GABBR1: variants seen among roughly 807,000 people sequenced by gnomAD.
The protein encoded by GABBR1 is GABA-B receptor, R1 subunit.
Under a neutral mutation model 117.7 loss-of-function variants are expected in GABBR1, and 35 were observed. The ratio of observed to expected loss-of-function variants is 0.30; its 90% confidence interval spans 0.23 to 0.39. The LOEUF (loss-of-function observed/expected upper bound fraction) is 0.39. GABBR1 is among the 10% of genes least tolerant of loss of function. The pLI is 1.00. For missense variants in GABBR1, 709 were observed against 1,241.8 expected, an observed-to-expected ratio of 0.57 and a Z score of 6.45; for synonymous variants, 442 against 486.6, an observed-to-expected ratio of 0.91 and a Z score of 1.21.
chr6:29,616,996 A>G (rs983456902), intron 11 of GABBR1, among the ~76,000 whole-genome samples: 4 of 151,044 alleles, frequency 2.6e-5, no homozygotes, highest in Non-Finnish European at 5.9e-5. Context: ...AAAAAAAAAA[A>G]AAAAAAAAAA....
Position 29,619,150 on chromosome 6 carries a change from T to G in GABBR1, c.1323+1951A>C, listed in dbSNP as rs566453650. Among the ~76,000 whole-genome samples, 96 of 152,318 alleles carry G rather than the reference T, an allele frequency of 6.3e-4. 1 individual carries two copies. Among genetic ancestry groups the G allele is most frequent in the Non-Finnish European group, 1.9e-4 (13 of 68,026 alleles). ...TACCTTTCCAGGTGGTTCTGACGGATGTTAAAGTTTGAGAACTATTGATCT... is the reference window on the plus strand; with the variant it reads ...TACCTTTCCAGGTGGTTCTGACGGAGGTTAAAGTTTGAGAACTATTGATCT... On this transcript the variant is annotated intron_variant, in intron 11 of 22. Transcript: ENST00000377034.
rs1307370938 is a variant in GABBR1 at position 29,605,302 on chromosome 6, A to G, written c.2439+267T>C. On this transcript the variant is annotated intron_variant, in intron 20 of 22. Coordinates refer to ENST00000377034, the MANE Select transcript of GABBR1 (RefSeq NM_001470.4). The surrounding 1 kb of genome is among the most constrained non-coding windows in gnomAD (Gnocchi z 4.2). ...GAGTCCAGCCCATTAACCACAGACA[A>G]GCAATTTAACGTCTCTGTGTTTCTG... 9 of 565,254 alleles carry G rather than the reference A, an allele frequency of 1.6e-5. No homozygotes were observed. Among genetic ancestry groups the G allele is most frequent in the Non-Finnish European group, 2.8e-5 (9 of 323,940 alleles). The allele number at this position is 565,254 out of a possible 1,614,324, so 35.0% of individuals were successfully genotyped here. A position where few individuals can be genotyped will look rare whatever the true frequency, so the allele number is the denominator to read the frequency against.
chr6:29,627,461 C>T lies in GABBR1; in HGVS notation c.657+25G>A. 1 of 1,498,204 alleles carries T rather than the reference C, an allele frequency of 6.7e-7. No individual in the cohort carries two copies. Among genetic ancestry groups the T allele is most frequent in the Non-Finnish European group, 9.1e-7 (1 of 1,101,298 alleles). 92.8% of individuals were successfully genotyped at this position (1,498,204 alleles called of 1,614,324 possible). A position where few individuals can be genotyped will look rare whatever the true frequency, so the allele number is the denominator to read the frequency against. On this transcript the variant is annotated intron_variant, in intron 6 of 22. Transcript: ENST00000377034. This position sits in a 1 kb window ranked among gnomAD's most constrained non-coding sequence, Gnocchi z 4.4. ...CCCTGCCCCGCAAGCCCCCACCTCCCACCCACCCCCATGTCCAGGGCTACC... is the reference window on the plus strand; with the variant it reads ...CCCTGCCCCGCAAGCCCCCACCTCCTACCCACCCCCATGTCCAGGGCTACC...
chr6:29,622,244 G>A lies in GABBR1; in HGVS notation c.964-39C>T. 7.4e-7 allele frequency: 1 copy of A among 1,348,032 alleles called. No individual in the cohort carries two copies. Among genetic ancestry groups the A allele is most frequent in the Non-Finnish European group, 1.1e-6 (1 of 939,264 alleles). The allele number at this position is 1,348,032 out of a possible 1,614,324, so 83.5% of individuals were successfully genotyped here. On this transcript the variant is annotated intron_variant, in intron 8 of 22. Coordinates refer to ENST00000377034, the MANE Select transcript of GABBR1 (RefSeq NM_001470.4). This position sits in a 1 kb window ranked among gnomAD's most constrained non-coding sequence, Gnocchi z 4.6. ...AAAAAACAAGTTGGAAAAACACGGG[G>A]TGCATGAGGGAATAAAGACCAGAGA...
chr6:29,619,250 G>T (rs1164727162), intron 11 of GABBR1, among the ~76,000 whole-genome samples: 1 of 152,158 alleles, frequency 6.6e-6, no homozygotes, highest in East Asian at 1.9e-4. Context: ...GGCCCCCTAG[G>T]TCCAACCCTT....
In GABBR1 at chr6:29,622,277, T is replaced by C. The variant is rs1763834865; in HGVS notation, c.964-72A>G. On this transcript the variant is annotated intron_variant, in intron 8 of 22. Coordinates refer to ENST00000377034, the MANE Select transcript of GABBR1 (RefSeq NM_001470.4). The surrounding 1 kb of genome is among the most constrained non-coding windows in gnomAD (Gnocchi z 4.6). ...GGGAATAAAGACCAGAGAGGTTAAC[T>C]GGGGATTTCAGAGCAATACTCAGAT... 3.0e-6 allele frequency: 3 copies of C among 1,001,968 alleles called. No homozygotes were observed. The highest frequency in any genetic ancestry group is 3.1e-6 in the Non-Finnish European group (2 of 635,818). 62.1% of individuals were successfully genotyped at this position (1,001,968 alleles called of 1,614,324 possible).
intron 6 of GABBR1, among the ~76,000 whole-genome samples, chr6:29,624,526 G>C (rs1192776745): frequency 6.6e-6 from 1 of 151,932 alleles, no homozygotes; most frequent in Non-Finnish European, 1.5e-5. Context: ...TCTCTTTTCA[G>C]AGCTAGTGAT....
Position 29,623,788 on chromosome 6 carries a change from C to A in GABBR1, c.792+102G>T. 7.3e-7 allele frequency: 1 copy of A among 1,369,748 alleles called. No individual in the cohort carries two copies. The highest frequency in any genetic ancestry group is 1.0e-6 in the Non-Finnish European group (1 of 997,418). 84.8% of individuals were successfully genotyped at this position (1,369,748 alleles called of 1,614,324 possible). A position where few individuals can be genotyped will look rare whatever the true frequency, so the allele number is the denominator to read the frequency against. ...AGGACTCTGAATCTTAGTAGCAGGTCCTCCACACTCCTTTTCAATACAAAC... is the reference window on the plus strand; with the variant it reads ...AGGACTCTGAATCTTAGTAGCAGGTACTCCACACTCCTTTTCAATACAAAC... On this transcript the variant is annotated intron_variant, in intron 7 of 22. Transcript: ENST00000377034. The surrounding 1 kb of genome is among the most constrained non-coding windows in gnomAD (Gnocchi z 6.2).
In GABBR1 at chr6:29,606,260, A is replaced by T. The variant is rs1761943717; in HGVS notation, c.2311+131T>A. ...AAAGATTAGTGCAATAACAAAGAGT[A>T]GGGTGTTCAAACTGGGTTGACAAGC... On this transcript the variant is annotated intron_variant, in intron 19 of 22. Coordinates refer to ENST00000377034, the MANE Select transcript of GABBR1 (RefSeq NM_001470.4). The surrounding 1 kb of genome is among the most constrained non-coding windows in gnomAD (Gnocchi z 4.5). The T allele has an allele frequency of 2.8e-6, 2 of 706,506 alleles. No homozygotes were observed. The highest frequency in any genetic ancestry group is 2.6e-6 in the Non-Finnish European group (1 of 387,170). The allele number at this position is 706,506 out of a possible 1,614,324, so 43.8% of individuals were successfully genotyped here.
At position 29,609,306 on chromosome 6, in the gene GABBR1, G is replaced by A. The variant is rs989622740; in HGVS notation, c.1782C>T (p.Ser594=). ...TGCCCAGGCTGGAGAGAACTGAGAC[G>A]GAGATAAAGAGTTTCTGTGACAGGA... ...FRFLSQKLFI[S]VSVLSSLGIV... is the part of the protein sequence containing the mutation. The change falls in exon 15 of 23, where the codon TCC becomes TCT. Residue 594 remains serine, a synonymous_variant. Transcript: ENST00000377034. The surrounding 1 kb of genome is among the most constrained non-coding windows in gnomAD (Gnocchi z 4.3). 10 of 1,612,770 alleles carry A rather than the reference G, an allele frequency of 6.2e-6. No homozygotes were observed. The highest frequency in any genetic ancestry group is 8.5e-6 in the Non-Finnish European group (10 of 1,179,884).
rs1400846998 is a variant in GABBR1 at position 29,630,761 on chromosome 6, A to G, written c.290-118T>C. 3.9e-6 allele frequency: 3 copies of G among 765,538 alleles called. No homozygotes were observed. In the African/African-American group the frequency reaches 5.3e-5, roughly 13 times the overall value. 47.4% of individuals were successfully genotyped at this position (765,538 alleles called of 1,614,324 possible). On this transcript the variant is annotated intron_variant, in intron 3 of 22. Coordinates refer to ENST00000377034, the MANE Select transcript of GABBR1 (RefSeq NM_001470.4). This position sits in a 1 kb window ranked among gnomAD's most constrained non-coding sequence, Gnocchi z 4.9. ...CAAGCATCCTGCTCTAAAGAAAATCACATGTGAAAAGGATTTGCCTACCTA... is the reference window on the plus strand; with the variant it reads ...CAAGCATCCTGCTCTAAAGAAAATCGCATGTGAAAAGGATTTGCCTACCTA...
In GABBR1 at chr6:29,621,373, T is replaced by G. The variant is rs1763733874; in HGVS notation, c.1132-81A>C. 1 of 1,129,636 alleles carries G rather than the reference T, an allele frequency of 8.9e-7. No individual in the cohort carries two copies. Among genetic ancestry groups the G allele is most frequent in the Non-Finnish European group, 1.3e-6 (1 of 779,514 alleles). The allele number at this position is 1,129,636 out of a possible 1,614,324, so 70.0% of individuals were successfully genotyped here. On this transcript the variant is annotated intron_variant, in intron 10 of 22. Transcript: ENST00000377034. This position sits in a 1 kb window ranked among gnomAD's most constrained non-coding sequence, Gnocchi z 5.0. ...TTATCTCACTTGATACTATTTAGCC[T>G]CTTGGGAATCAGGGAAGAGCAGTAG...
In GABBR1 at chr6:29,607,017, G is replaced by A. The variant is rs1762029156; in HGVS notation, c.2110-13C>T. On this transcript the variant is annotated splice_polypyrimidine_tract_variant and intron_variant, in intron 17 of 22. Coordinates refer to ENST00000377034, the MANE Select transcript of GABBR1 (RefSeq NM_001470.4). This position sits in a 1 kb window ranked among gnomAD's most constrained non-coding sequence, Gnocchi z 5.0. The stretch of plus-strand genomic sequence containing the variant: ...AGGGTTCCAGAGTCTGGATAAATAT[G>A]TGGGGAGAACAGGCACGTCAGGGGA... The A allele has an allele frequency of 6.2e-7, 1 of 1,613,136 alleles. No individual in the cohort carries two copies. Among genetic ancestry groups the A allele is most frequent in the Non-Finnish European group, 8.5e-7 (1 of 1,179,034 alleles).
chr6:29,615,754 C>G (rs957405058), intron 11 of GABBR1, among the ~76,000 whole-genome samples: 5 of 151,912 alleles, frequency 3.3e-5, no homozygotes, highest in African/African-American at 4.8e-5. Flanking sequence ...GGACCCAACT[C>G]TACAAAATTT....
Position 29,603,372 on chromosome 6 carries a change from TGA to T in GABBR1, c.*169_*170del. The T allele has an allele frequency of 1.4e-6, 1 of 719,828 alleles. No homozygotes were observed. The highest frequency in any genetic ancestry group is 1.5e-5 in the South Asian group (1 of 66,912). 44.6% of individuals were successfully genotyped at this position (719,828 alleles called of 1,614,324 possible). Reference sequence around the variant, plus strand: ...GAAAAAGGTCTGTTTCCCAGAGGTATGAGAGACCCAAATCAGCCCAGAACTCA... The same window carrying T: ...GAAAAAGGTCTGTTTCCCAGAGGTATGAGACCCAAATCAGCCCAGAACTCA... On this transcript the variant is annotated 3_prime_UTR_variant, in exon 23 of 23. Transcript: ENST00000377034.
Position 29,611,068 on chromosome 6 carries a change from T to G in GABBR1, c.1631-67A>C. On this transcript the variant is annotated intron_variant, in intron 13 of 22. Coordinates refer to ENST00000377034, the MANE Select transcript of GABBR1 (RefSeq NM_001470.4). The surrounding 1 kb of genome is among the most constrained non-coding windows in gnomAD (Gnocchi z 4.6). ...AGAGCTGATCCTAGGCATTTTCAAC[T>G]TCCCACTTCCCTAGAGCTTTGCATG... is the stretch of plus-strand genomic sequence containing the variant. 8.2e-7 allele frequency: 1 copy of G among 1,215,712 alleles called. No homozygotes were observed. The highest frequency in any genetic ancestry group is 1.2e-6 in the Non-Finnish European group (1 of 820,062). The allele number at this position is 1,215,712 out of a possible 1,614,324, so 75.3% of individuals were successfully genotyped here.
chr6:29,613,234 T>G lies in GABBR1; in HGVS notation c.1566+9A>C, dbSNP rs29226. 158,335 of 1,607,742 alleles carry G rather than the reference T, an allele frequency of 0.098. 8,559 individuals carry two copies. The highest frequency in any genetic ancestry group is 0.17 in the Middle Eastern group (1,003 of 6,040). The stretch of plus-strand genomic sequence containing the variant: ...AAGACAGGGGAGTATGAAGGAAGTT[T>G]TAACTCACAGAGACACCCTCAAAGG... On this transcript the variant is annotated intron_variant, in intron 12 of 22. Transcript: ENST00000377034. This position sits in a 1 kb window ranked among gnomAD's most constrained non-coding sequence, Gnocchi z 4.1.
rs1761797847 is a variant in GABBR1, at chr6:29,604,969, G to A, written c.2459C>T (p.Ala820Val). 2.5e-6 allele frequency: 4 copies of A among 1,612,556 alleles called. No homozygotes were observed. The highest frequency in any genetic ancestry group is 1.7e-6 in the Non-Finnish European group (2 of 1,179,726). The change falls in exon 21 of 23, where the codon GCT becomes GTT. Residue 820 changes from alanine to valine, a missense_variant. Physicochemically the swap from Ala to Val is moderately conservative, Grantham distance 64. This residue lies in a region of GABBR1 where 251 missense variants were observed against 445.3 expected (regional missense o/e 0.56). Coordinates refer to ENST00000377034, the MANE Select transcript of GABBR1 (RefSeq NM_001470.4). The surrounding 1 kb of genome is among the most constrained non-coding windows in gnomAD (Gnocchi z 5.3). The part of the protein sequence containing the change: ...YNVAVLCLIT[A>V]PVTMILSSQQ... The stretch of plus-strand genomic sequence containing the variant: ...GCTGGACAGAATCATGGTGACAGGA[G>A]CAGTGATGAGGCACAGGACCTAGAG...
rs1401865462 is a variant in GABBR1, at chr6:29,612,514, G to A, written c.1630+37C>T. On this transcript the variant is annotated intron_variant, in intron 13 of 22. Coordinates refer to ENST00000377034, the MANE Select transcript of GABBR1 (RefSeq NM_001470.4). ...GGCATCCCAGCCCAGCCCCAGCCTA[G>A]CCCCCATGTCCGGTCCCCTCCTGCC... is the stretch of plus-strand genomic sequence containing the variant. The A allele has an allele frequency of 1.1e-5, 17 of 1,588,482 alleles. No individual in the cohort carries two copies. In the Admixed American group the frequency reaches 2.7e-4, roughly 25 times the overall value.
Sources: allele counts gnomAD v4.1 joint callset (sites outside exome capture counted in the v4.1 genomes callset), GRCh38; gene constraint gnomAD v4.1.1; regional missense constraint gnomAD v4.1.1; non-coding constraint Gnocchi (gnomAD v3.1); transcripts MANE v1.5; gene names NCBI Gene and HGNC (gene_info 2026-07-23, HGNC 2026-07-21).